Variants in CDIN1 observed in about 807,000 individuals in gnomAD.
CDIN1 encodes CDAN1-interacting nuclease 1.
Under a neutral mutation model 45.3 loss-of-function variants are expected in CDIN1, and 33 were observed. The observed-to-expected ratio is 0.73, with a 90% confidence interval of 0.55 to 0.97. The LOEUF (loss-of-function observed/expected upper bound fraction) is 0.97, where lower values mean the gene tolerates loss of function less well. Ranked by LOEUF, CDIN1 falls within the 50% of genes least tolerant of loss-of-function variation. The pLI is 0.00. For synonymous variants in CDIN1, 118 were observed against 124.4 expected (o/e 0.95, Z 0.34); for missense variants, 303 against 339.4 (o/e 0.89, Z 0.84).
chr15:36,718,663 G>A (rs1040231761), intron 10 of CDIN1, among the ~76,000 whole-genome samples: 7 of 151,772 alleles, frequency 4.6e-5, no homozygotes, highest in African/African-American at 1.7e-4. Flanking sequence ...TACTATAGAG[G>A]AATACAATTG....
intron 10 of CDIN1, among the ~76,000 whole-genome samples, chr15:36,763,607 CG>C (rs1171431845): frequency 6.6e-6 from 1 of 152,084 alleles, no homozygotes; most frequent in African/African-American, 2.4e-5. Context: ...GACTGTACCC[CG>C]CCATGTTGTG....
intron 10 of CDIN1, among the ~76,000 whole-genome samples, chr15:36,728,694 C>T (rs1001244680): frequency 1.3e-5 from 2 of 151,552 alleles, no homozygotes; most frequent in African/African-American, 4.9e-5. Flanking sequence ...TTTCTTCTTA[C>T]GACGAAGTGT....
intron 10 of CDIN1, among the ~76,000 whole-genome samples, chr15:36,755,375 T>C (rs2053584392): frequency 6.6e-6 from 1 of 152,198 alleles, no homozygotes; most frequent in Non-Finnish European, 1.5e-5. Context: ...CTCATTTTAG[T>C]ACAATTTTCT....
chr15:36,607,377 A>G (rs1263644784), intron 1 of CDIN1, among the ~76,000 whole-genome samples: 6 of 152,230 alleles, frequency 3.9e-5, no homozygotes, highest in Non-Finnish European at 8.8e-5. Flanking sequence ...ACGAGGAGGT[A>G]ATTTTACAGT....
At chr15:36,624,826 A>G (rs11073188) in intron 1 of CDIN1, among the ~76,000 whole-genome samples, 15,966 of 152,216 alleles carry the variant, frequency 0.1, 902 homozygotes, top group Middle Eastern at 0.16. Context: ...TATACCTACA[A>G]TTTTTATAAA....
chr15:36,644,246 A>G (rs1410948208), intron 1 of CDIN1, 32 bp from the exon 2 acceptor site: 4 of 1,609,494 alleles, frequency 2.5e-6, no homozygotes, highest in Non-Finnish European at 8.5e-7. Context: ...GCACTCCAGT[A>G]ATTAACTTTG....
chr15:36,671,875 A>G (rs952118301), intron 5 of CDIN1, among the ~76,000 whole-genome samples: 1 of 152,154 alleles, frequency 6.6e-6, no homozygotes, highest in African/African-American at 2.4e-5. Flanking sequence ...AGTCATGTAA[A>G]CAATGTGGAA....
chr15:36,774,875 GC>G lies in CDIN1; in HGVS notation c.717-33448del, dbSNP rs528356082. Among the ~76,000 whole-genome samples, 273 of 152,266 alleles carry G rather than the reference GC, an allele frequency of 1.8e-3. 2 individuals carry two copies. Among genetic ancestry groups the G allele is most frequent in the African/African-American group, 6.3e-3 (261 of 41,552 alleles). ...GTAGCAAGTGGGGGTTAAACTGTCA[GC>G]TTGACAACTTGTAAAGCTCTTTATC... On this transcript the variant is annotated intron_variant, in intron 10 of 10. Transcript: ENST00000566621.
rs1243499248 is a variant in CDIN1 at position 36,736,788 on chromosome 15, C to T, written c.716+26827C>T. 2.6e-5 allele frequency among the ~76,000 whole-genome samples: 4 copies of T among 152,156 alleles called. No homozygotes were observed. The East Asian group carries it at 7.7e-4, about 29-fold the overall frequency. ...TTCCACAGTCTGACCTCCTCCTTTC[C>T]AGCCATATCCCAAGATGTTACTCCA... On this transcript the variant is annotated intron_variant, in intron 10 of 10. Transcript: ENST00000566621.
chr15:36,657,201 G>T (rs2040815870), intron 4 of CDIN1, among the ~76,000 whole-genome samples: 1 of 152,068 alleles, frequency 6.6e-6, no homozygotes, highest in Non-Finnish European at 1.5e-5. Flanking sequence ...TAGTGTTTCA[G>T]ATAAGGACGG....
At chr15:36,676,397 A>G (rs985364036) in intron 5 of CDIN1, among the ~76,000 whole-genome samples, 16 of 152,158 alleles carry the variant, frequency 1.1e-4, no homozygotes, top group African/African-American at 2.7e-4. Context: ...GGCAGACACC[A>G]TGATGTTGTA....
intron 2 of CDIN1, 32 bp from the exon 3 acceptor site, chr15:36,645,191 A>AT: frequency 4.0e-6 from 6 of 1,514,072 alleles, no homozygotes; most frequent in Non-Finnish European, 5.4e-6. Context: ...CATATCAAAG[A>AT]TTTTTTTGTG....
intron 10 of CDIN1, among the ~76,000 whole-genome samples, chr15:36,744,891 G>GTAGA (rs2044365377): frequency 6.6e-6 from 1 of 152,144 alleles, no homozygotes; most frequent in African/African-American, 2.4e-5. Flanking sequence ...CCATTGACCT[G>GTAGA]AATACTGCCA....
intron 10 of CDIN1, chr15:36,790,351 C>T (rs1348452661): frequency 6.6e-6 from 1 of 152,130 alleles, no homozygotes; most frequent in Non-Finnish European, 1.5e-5. Context: ...TTTGTGTTAA[C>T]CTAAAAGGTA....
At chr15:36,701,176 A>AGATG (rs2042631571) in intron 8 of CDIN1, among the ~76,000 whole-genome samples, 2 of 150,598 alleles carry the variant, frequency 1.3e-5, no homozygotes, top group African/African-American at 4.9e-5. Context: ...ATAGATAGAT[A>AGATG]TGAGCATTTA....
At position 36,800,879 on chromosome 15, in the gene CDIN1, ATG is replaced by A. The variant is rs1163549097; in HGVS notation, c.717-7415_717-7414del. On this transcript the variant is annotated intron_variant, in intron 10 of 10. Transcript: ENST00000566621. The stretch of plus-strand genomic sequence containing the variant: ...TACATATGTGTGTGTGTGTGTATAT[ATG>A]TGTGTGTGTGTGTGTGTGTGTGTGT... 1.2e-3 allele frequency among the ~76,000 whole-genome samples: 103 copies of A among 82,512 alleles called. 4 individuals are homozygous for A. Among genetic ancestry groups the A allele is most frequent in the African/African-American group, 2.6e-3 (65 of 24,580 alleles). The allele number at this position is 82,512 out of a possible 152,430, so 54.1% of individuals were successfully genotyped here. A position where few individuals can be genotyped will look rare whatever the true frequency, so the allele number is the denominator to read the frequency against.
At chr15:36,714,073 T>C (rs754590987) in intron 10 of CDIN1, among the ~76,000 whole-genome samples, 2 of 152,204 alleles carry the variant, frequency 1.3e-5, no homozygotes, top group Non-Finnish European at 2.9e-5. Context: ...TTGTCAGGCA[T>C]TGTGACATTA....
At chr15:36,602,970 A>C (rs1716110280) in intron 1 of CDIN1, among the ~76,000 whole-genome samples, 1 of 151,606 alleles carries the variant, frequency 6.6e-6, no homozygotes, top group Non-Finnish European at 1.5e-5. Context: ...CCTGGGTGAC[A>C]GAGACTCCGT....
chr15:36,721,082 A>G (rs910830406), intron 10 of CDIN1, among the ~76,000 whole-genome samples: 3 of 130,922 alleles, frequency 2.3e-5, no homozygotes, highest in African/African-American at 9.1e-5. Flanking sequence ...TCTTCTTTTG[A>G]GAAATGTCTG....
Sources: allele counts gnomAD v4.1 joint callset (sites outside exome capture counted in the v4.1 genomes callset), GRCh38; gene constraint gnomAD v4.1.1; transcripts MANE v1.5; gene names NCBI Gene and HGNC (gene_info 2026-07-23, HGNC 2026-07-21).